The following MAPRE2 variants were observed in gnomAD, a reference collection of about 807,000 sequenced individuals.
MAPRE2 encodes microtubule associated protein RP/EB family member 2, also known as microtubule-associated protein RP/EB family member 2.
In MAPRE2, 13 loss-of-function variants were observed where a neutral mutation model predicts 43.2. That is an observed-to-expected ratio of 0.30 (90% CI 0.20 to 0.48). The LOEUF is 0.48. MAPRE2 is among the 20% of genes least tolerant of loss of function. MAPRE2 has a pLI of 0.99. For synonymous variants in MAPRE2, 135 were observed against 148.8 expected, an observed-to-expected ratio of 0.91 and a Z score of 0.68; for missense variants, 161 against 400.2, an observed-to-expected ratio of 0.40 and a Z score of 5.10.
At chr18:35,002,526 A>G (rs2097029875) in intron 1 of MAPRE2, among the ~76,000 whole-genome samples, 1 of 152,214 alleles carries the variant, frequency 6.6e-6, no homozygotes, top group Non-Finnish European at 1.5e-5. Flanking sequence ...ACATTCTCAG[A>G]AGCAATATAT....
intron 2 of MAPRE2, among the ~76,000 whole-genome samples, chr18:35,030,845 T>C (rs2097047495): frequency 6.6e-6 from 1 of 152,190 alleles, no homozygotes. Context: ...TCACACTCAC[T>C]GTGCTACATA....
intron 1 of MAPRE2, among the ~76,000 whole-genome samples, chr18:34,985,277 A>ATAATATT (rs1210129742): frequency 2.4e-5 from 1 of 41,182 alleles, no homozygotes; most frequent in African/African-American, 1.1e-4. Flanking sequence ...TATATAATAT[A>ATAATATT]ATATATTATA....
In MAPRE2 at chr18:35,142,284, T is replaced by C. The variant is rs1910690882; in HGVS notation, c.*1915T>C. 1 of 152,282 alleles carries C rather than the reference T, an allele frequency of 6.6e-6. No homozygotes were observed. The highest frequency in any genetic ancestry group is 2.4e-5 in the African/African-American group (1 of 41,450). The allele number at this position is 152,282 out of a possible 1,614,324, so 9.4% of individuals were successfully genotyped here. On this transcript the variant is annotated 3_prime_UTR_variant, in exon 7 of 7. Coordinates refer to ENST00000300249, the MANE Select transcript of MAPRE2 (RefSeq NM_014268.4). Reference sequence around the variant, plus strand: ...AAATAGCTCTTGTAAAAGGTCACAATAACTCTATGCACCTGATACTGCAGT... The same window carrying C: ...AAATAGCTCTTGTAAAAGGTCACAACAACTCTATGCACCTGATACTGCAGT...
At chr18:35,004,577 T>A (rs1210613627) in intron 1 of MAPRE2, among the ~76,000 whole-genome samples, 1 of 152,246 alleles carries the variant, frequency 6.6e-6, no homozygotes, top group African/African-American at 2.4e-5. Flanking sequence ...TCTTACTGCC[T>A]CATTTAGTCA....
At chr18:35,044,595 T>C (rs771394084) in intron 1 of MAPRE2, among the ~76,000 whole-genome samples, 7 of 152,222 alleles carry the variant, frequency 4.6e-5, no homozygotes, top group Non-Finnish European at 8.8e-5. Flanking sequence ...GTTAGAGAGA[T>C]ATTGTGAGGC....
In MAPRE2 at chr18:34,985,283, T is replaced by TAAAA. The variant is rs1568961437; in HGVS notation, c.-70+8204_-70+8205insAAAA. Among the ~76,000 whole-genome samples, 31 of 39,030 alleles carry TAAAA rather than the reference T, an allele frequency of 7.9e-4. 5 individuals are homozygous for TAAAA. The highest frequency in any genetic ancestry group is 2.2e-3 in the Admixed American group (4 of 1,858). The allele number at this position is 39,030 out of a possible 152,430, so 25.6% of individuals were successfully genotyped here. On this transcript the variant is annotated intron_variant, in intron 1 of 7. Transcript: ENST00000413393. ...ATAATATATTATATAATATAATATA[T>TAAAA]TATATATTATATTATATATTGTATA... is the stretch of plus-strand genomic sequence containing the variant.
intron 4 of MAPRE2, among the ~76,000 whole-genome samples, chr18:35,119,166 C>G (rs555999097): frequency 1.3e-5 from 2 of 152,240 alleles, no homozygotes; most frequent in Middle Eastern, 3.4e-3. Context: ...GGGCACCTGG[C>G]GCTGCCCTGC....
At chr18:35,076,768 C>T (rs73946510) in intron 2 of MAPRE2, among the ~76,000 whole-genome samples, 4,101 of 152,236 alleles carry the variant, frequency 0.027, 86 homozygotes, top group African/African-American at 0.058. Context: ...ACTAGGCATG[C>T]GTGTGGGATA....
At chr18:35,058,164 T>C (rs1403471838) in intron 1 of MAPRE2, among the ~76,000 whole-genome samples, 1 of 152,132 alleles carries the variant, frequency 6.6e-6, no homozygotes, top group Non-Finnish European at 1.5e-5. Flanking sequence ...TTAAGAAGAG[T>C]AGATAAGCAC....
At chr18:35,086,674 G>GT (rs2144140941) in intron 2 of MAPRE2, among the ~76,000 whole-genome samples, 1 of 151,362 alleles carries the variant, frequency 6.6e-6, no homozygotes, top group African/African-American at 2.4e-5. Flanking sequence ...AAAAAGGAAT[G>GT]TTTTTCTTAA....
At chr18:34,996,488 CTG>C (rs1372274279) in intron 1 of MAPRE2, among the ~76,000 whole-genome samples, 3 of 152,260 alleles carry the variant, frequency 2.0e-5, no homozygotes, top group Admixed American at 6.5e-5. Flanking sequence ...GGTGGCTGTT[CTG>C]TGTCTTGTTC....
chr18:35,058,969 C>T (rs1435162544), intron 1 of MAPRE2, among the ~76,000 whole-genome samples: 1 of 152,190 alleles, frequency 6.6e-6, no homozygotes, highest in Non-Finnish European at 1.5e-5. Context: ...AGACAAGTCA[C>T]TAAACCTCTC....
intron 2 of MAPRE2, among the ~76,000 whole-genome samples, chr18:35,095,521 G>T: frequency 8.1e-6 from 1 of 122,910 alleles, no homozygotes; most frequent in African/African-American, 4.4e-5. Context: ...ATATGGAAGA[G>T]GGTTTTTTTT....
At chr18:35,015,633 A>AGTGTGTGTGTGTGT (rs3082290) in intron 2 of MAPRE2, among the ~76,000 whole-genome samples, 67 of 134,892 alleles carry the variant, frequency 5.0e-4, no homozygotes, top group African/African-American at 1.8e-3. Context: ...TAGGGATGGC[A>AGTGTGTGTGTGTGT]GTGTGTGTGT....
At chr18:34,982,694 A>T (rs1232931533) in intron 1 of MAPRE2, among the ~76,000 whole-genome samples, 1 of 152,230 alleles carries the variant, frequency 6.6e-6, no homozygotes, top group Non-Finnish European at 1.5e-5. Context: ...TGCTTCCAAT[A>T]AACCTAATCT....
At chr18:35,112,192 T>A (rs1190331832) in intron 4 of MAPRE2, among the ~76,000 whole-genome samples, 1 of 151,898 alleles carries the variant, frequency 6.6e-6, no homozygotes, top group Non-Finnish European at 1.5e-5. Flanking sequence ...TCCTTTTTTT[T>A]TTTTTTTATG....
chr18:35,026,361 G>A (rs1232329093), intron 2 of MAPRE2, among the ~76,000 whole-genome samples: 1 of 152,194 alleles, frequency 6.6e-6, no homozygotes, highest in African/African-American at 2.4e-5. Flanking sequence ...ACTGTGTATT[G>A]TCTAAACCAA....
intron 2 of MAPRE2, among the ~76,000 whole-genome samples, chr18:35,022,411 G>A (rs947318168): frequency 1.5e-4 from 22 of 149,034 alleles, no homozygotes; most frequent in Non-Finnish European, 2.8e-4. Context: ...ATAAGATAAC[G>A]GTATATGCTT....
chr18:35,137,882 G>A (rs973196679), intron 6 of MAPRE2, among the ~76,000 whole-genome samples: 2 of 152,220 alleles, frequency 1.3e-5, no homozygotes, highest in Non-Finnish European at 2.9e-5. Context: ...ATAATTTAGA[G>A]GAGCATGTGG....
Sources: gnomAD v4.1 joint callset for allele counts (sites outside exome capture counted in the v4.1 genomes callset) on GRCh38, gnomAD v4.1.1 for gene constraint, MANE v1.5 for transcripts, NCBI Gene and HGNC (gene_info 2026-07-23, HGNC 2026-07-21) for gene names.